Variants in PABPC4L observed in about 807,000 individuals in gnomAD.
PABPC4L encodes poly(A) binding protein cytoplasmic 4 like.
For synonymous variants in PABPC4L, 169 were observed against 164.1 expected (o/e 1.03, Z -0.23); for missense variants, 452 against 451.4 (o/e 1.00, Z -0.01).
At chr4:134,035,335 A>G in the PABPC4L span, among the ~76,000 whole-genome samples, 2 of 151,996 alleles carry the variant, frequency 1.3e-5, no homozygotes, top group Non-Finnish European at 2.9e-5. Context: ...TGAAACCTGT[A>G]ATGTCTCTGA....
chr4:134,090,777 A>G, the PABPC4L span, among the ~76,000 whole-genome samples: 3 of 151,968 alleles, frequency 2.0e-5, no homozygotes, highest in African/African-American at 7.2e-5. Context: ...AAAAAAATAA[A>G]AAGGTGGGAG....
the PABPC4L span, among the ~76,000 whole-genome samples, chr4:134,128,376 T>C: frequency 9.9e-5 from 15 of 152,108 alleles, no homozygotes; most frequent in African/African-American, 3.6e-4. Flanking sequence ...TTATCTGAAG[T>C]CAAGACAAAG....
the PABPC4L span, among the ~76,000 whole-genome samples, chr4:134,073,740 C>A: frequency 6.6e-6 from 1 of 152,190 alleles, no homozygotes. Flanking sequence ...GTTCCCAAAT[C>A]TAAATTCTTC....
chr4:133,997,248 T>G, the PABPC4L span, among the ~76,000 whole-genome samples: 2 of 152,184 alleles, frequency 1.3e-5, no homozygotes, highest in African/African-American at 4.8e-5. Flanking sequence ...CAGAAATGAT[T>G]ATGTTTTGTG....
chr4:133,954,863 T>C, the PABPC4L span, among the ~76,000 whole-genome samples: 2 of 152,050 alleles, frequency 1.3e-5, no homozygotes, highest in African/African-American at 4.8e-5. Context: ...GTTAATGATA[T>C]TGTTCCCCCA....
chr4:134,165,944 C>A, the PABPC4L span, among the ~76,000 whole-genome samples: 1 of 152,076 alleles, frequency 6.6e-6, no homozygotes, highest in Non-Finnish European at 1.5e-5. Flanking sequence ...TACTATTCAG[C>A]CTCTAAAAAG....
the PABPC4L span, among the ~76,000 whole-genome samples, chr4:134,070,490 G>A: frequency 6.6e-6 from 1 of 152,112 alleles, no homozygotes; most frequent in Admixed American, 6.5e-5. Flanking sequence ...GGGGCATGGG[G>A]TTGTCAGTGC....
At chr4:134,093,522 A>G in the PABPC4L span, among the ~76,000 whole-genome samples, 1 of 149,612 alleles carries the variant, frequency 6.7e-6, no homozygotes, top group African/African-American at 2.4e-5. Flanking sequence ...GTAGTGATAC[A>G]TTAAAGTCAT....
the PABPC4L span, among the ~76,000 whole-genome samples, chr4:134,049,186 A>C: frequency 6.6e-6 from 1 of 152,078 alleles, no homozygotes; most frequent in Non-Finnish European, 1.5e-5. Flanking sequence ...CTTTCAAATA[A>C]CACAAATATT....
chr4:134,045,487 CAT>C, the PABPC4L span, among the ~76,000 whole-genome samples: 2 of 152,080 alleles, frequency 1.3e-5, no homozygotes, highest in African/African-American at 2.4e-5. Context: ...GAAGTGTACA[CAT>C]AGTTATTATA....
the PABPC4L span, among the ~76,000 whole-genome samples, chr4:134,063,218 G>T: frequency 2.6e-5 from 4 of 152,052 alleles, no homozygotes; most frequent in African/African-American, 9.7e-5. Context: ...TGAAAGAAAA[G>T]CTGTGTGAGA....
the PABPC4L span, among the ~76,000 whole-genome samples, chr4:134,077,903 T>C: frequency 1.1e-4 from 17 of 152,184 alleles, no homozygotes; most frequent in South Asian, 3.3e-3. Context: ...TTAACTAAAT[T>C]ACATAGAACA....
the PABPC4L span, among the ~76,000 whole-genome samples, chr4:134,066,317 C>T: frequency 6.6e-6 from 1 of 152,064 alleles, no homozygotes; most frequent in Non-Finnish European, 1.5e-5. Context: ...TTGTAGAAGG[C>T]ATTTCATTCA....
At chr4:133,970,098 T>C in the PABPC4L span, among the ~76,000 whole-genome samples, 4 of 147,686 alleles carry the variant, frequency 2.7e-5, no homozygotes, top group African/African-American at 9.8e-5. Context: ...AAAAAATATA[T>C]ATTTATTTAT....
chr4:134,187,943 T>C, the PABPC4L span, among the ~76,000 whole-genome samples: 1 of 152,136 alleles, frequency 6.6e-6, no homozygotes, highest in Non-Finnish European at 1.5e-5. Context: ...TGCATTAATA[T>C]AGATGATGTT....
At chr4:134,067,324 T>A in the PABPC4L span, among the ~76,000 whole-genome samples, 1 of 152,160 alleles carries the variant, frequency 6.6e-6, no homozygotes, top group Admixed American at 6.6e-5. Flanking sequence ...TACATAGAGA[T>A]GTTCATAATT....
the PABPC4L span, among the ~76,000 whole-genome samples, chr4:133,997,938 A>G: frequency 2.0e-5 from 3 of 151,968 alleles, no homozygotes; most frequent in Non-Finnish European, 4.4e-5. Context: ...TATTGTTTAT[A>G]TATATCAGCA....
At chr4:134,108,506 T>A in the PABPC4L span, among the ~76,000 whole-genome samples, 24 of 151,878 alleles carry the variant, frequency 1.6e-4, no homozygotes, top group Non-Finnish European at 4.4e-5. Context: ...AATTCAAGAA[T>A]AAAAATGAAG....
chr4:134,045,537 C>A, the PABPC4L span, among the ~76,000 whole-genome samples: 36 of 152,238 alleles, frequency 2.4e-4, no homozygotes, highest in African/African-American at 8.7e-4. Context: ...AGCTTCAGGG[C>A]AGACATAGTA....
Sources: allele counts gnomAD v4.1 joint callset (sites outside exome capture counted in the v4.1 genomes callset), GRCh38; gene constraint gnomAD v4.1.1; transcripts MANE v1.5; gene names NCBI Gene and HGNC (gene_info 2026-07-23, HGNC 2026-07-21).